Variants in CASR observed in about 807,000 individuals in gnomAD.
The protein encoded by CASR is calcium sensing receptor, also known as extracellular calcium-sensing receptor.
Under a neutral mutation model 69.1 loss-of-function variants are expected in CASR, and 23 were observed. The ratio of observed to expected loss-of-function variants is 0.33; its 90% CI spans 0.24 to 0.47. The LOEUF is 0.47. CASR is among the 20% of genes least tolerant of loss of function. CASR has a pLI of 1.00. For missense variants in CASR, 924 were observed against 1,356.1 expected, an observed-to-expected ratio of 0.68 and a Z score of 5.00; for synonymous variants, 541 against 544.7, an observed-to-expected ratio of 0.99 and a Z score of 0.10.
intron 1 of CASR, among the ~76,000 whole-genome samples, chr3:122,223,586 CA>C (rs2074194082): frequency 6.6e-6 from 1 of 152,122 alleles, no homozygotes; most frequent in South Asian, 2.1e-4. Flanking sequence ...AGCCCAGAGC[CA>C]GATGGATTCA....
At chr3:122,215,060 G>A (rs1032231548) in intron 1 of CASR, among the ~76,000 whole-genome samples, 4 of 151,296 alleles carry the variant, frequency 2.6e-5, no homozygotes, top group South Asian at 2.1e-4. Flanking sequence ...CTGCCATCTC[G>A]AACATAACTG....
chr3:122,259,454 T>A (rs550113098), intron 3 of CASR, among the ~76,000 whole-genome samples: 1 of 152,252 alleles, frequency 6.6e-6, no homozygotes, highest in South Asian at 2.1e-4. Context: ...GAATACCTTA[T>A]TCTGATAAGG....
At chr3:122,257,008 C>A in intron 2 of CASR, 73 bp from the exon 3 acceptor site, 1 of 1,289,314 alleles carries the variant, frequency 7.8e-7, no homozygotes, top group Non-Finnish European at 1.1e-6. Context: ...TCAAACCCAG[C>A]TTTGCCAGGT....
intron 1 of CASR, among the ~76,000 whole-genome samples, chr3:122,212,766 C>T (rs573373804): frequency 2.0e-5 from 3 of 151,970 alleles, no homozygotes; most frequent in East Asian, 3.9e-4. Context: ...CTCAGCTTCC[C>T]GAGTAGCTGG....
chr3:122,220,247 C>T (rs1422980651), intron 1 of CASR, among the ~76,000 whole-genome samples: 2 of 152,246 alleles, frequency 1.3e-5, no homozygotes, highest in Admixed American at 1.3e-4. Context: ...CTTCCTGAAA[C>T]TTGTTTGTGT....
chr3:122,241,397 A>G (rs1193691291), intron 1 of CASR, among the ~76,000 whole-genome samples: 1 of 152,162 alleles, frequency 6.6e-6, no homozygotes, highest in Non-Finnish European at 1.5e-5. Context: ...GGCTACTGTG[A>G]GCAAATATAT....
chr3:122,257,430 A>T, intron 3 of CASR, 43 bp downstream of exon 3: 1 of 1,505,366 alleles, frequency 6.6e-7, no homozygotes, highest in Non-Finnish European at 9.2e-7. Context: ...GCAGGATCAG[A>T]AGAAGCAGGC....
At chr3:122,252,392 A>T (rs1362372360) in intron 1 of CASR, among the ~76,000 whole-genome samples, 1 of 78,684 alleles carries the variant, frequency 1.3e-5, no homozygotes, top group African/African-American at 5.6e-5. Context: ...GGAAGGAAGG[A>T]AGGAAGGAAG....
intron 2 of CASR, among the ~76,000 whole-genome samples, chr3:122,255,766 A>G (rs935869981): frequency 1.3e-5 from 2 of 152,268 alleles, no homozygotes; most frequent in East Asian, 3.8e-4. Context: ...AGGAAACTTA[A>G]AGAAAATGGT....
chr3:122,219,709 A>G (rs1268839906), intron 1 of CASR, among the ~76,000 whole-genome samples: 1 of 152,220 alleles, frequency 6.6e-6, no homozygotes, highest in African/African-American at 2.4e-5. Flanking sequence ...GGATGGAGAT[A>G]TGCCACCTAT....
rs950436852 is a variant in CASR, at chr3:122,287,160, G to T, written c.*1969G>T. On this transcript the variant is annotated 3_prime_UTR_variant, in exon 7 of 7. Coordinates refer to ENST00000639785, the MANE Select transcript of CASR (RefSeq NM_000388.4). ...TAAAAGAAATGCTGAAAATGTGATG[G>T]TTTCAAAATAACTATGAGGGAACAG... 2 of 152,192 alleles carry T rather than the reference G, an allele frequency of 1.3e-5. No homozygotes were observed. The highest frequency in any genetic ancestry group is 3.8e-4 in the East Asian group (2 of 5,204). The allele number at this position is 152,192 out of a possible 1,614,324, so 9.4% of individuals were successfully genotyped here.
intron 1 of CASR, among the ~76,000 whole-genome samples, chr3:122,192,892 A>G (rs1185352343): frequency 6.6e-6 from 1 of 152,216 alleles, no homozygotes; most frequent in Non-Finnish European, 1.5e-5. Flanking sequence ...CAGCTTATAC[A>G]GATTTCATGG....
At chr3:122,193,806 A>G (rs1162609169) in intron 1 of CASR, among the ~76,000 whole-genome samples, 3 of 152,222 alleles carry the variant, frequency 2.0e-5, no homozygotes, top group Non-Finnish European at 4.4e-5. Context: ...TATCTGCCAA[A>G]TCTAGTCACA....
intron 1 of CASR, among the ~76,000 whole-genome samples, chr3:122,200,622 T>C (rs972825649): frequency 6.6e-6 from 1 of 152,186 alleles, no homozygotes; most frequent in African/African-American, 2.4e-5. Context: ...GTGCCAAAAT[T>C]TATTTATCTG....
At chr3:122,280,804 G>C (rs3804595) in intron 5 of CASR, among the ~76,000 whole-genome samples, 27,538 of 152,106 alleles carry the variant, frequency 0.18, 2,907 homozygotes, top group African/African-American at 0.27. Flanking sequence ...TAGGTAGAGG[G>C]GAGACCCATT....
intron 1 of CASR, among the ~76,000 whole-genome samples, chr3:122,201,867 C>G (rs1010756735): frequency 6.6e-6 from 1 of 150,994 alleles, no homozygotes; most frequent in Admixed American, 6.6e-5. Flanking sequence ...GGATGGCGGC[C>G]GGGAAGAGGC....
chr3:122,217,892 A>G (rs1325724119), intron 1 of CASR, among the ~76,000 whole-genome samples: 1 of 152,150 alleles, frequency 6.6e-6, no homozygotes, highest in Non-Finnish European at 1.5e-5. Flanking sequence ...TCTATACGTT[A>G]GAAAGATATT....
chr3:122,282,199 T>C lies in CASR; in HGVS notation c.1695T>C (p.Cys565=). 1 of 1,614,098 alleles carries C rather than the reference T, an allele frequency of 6.2e-7. No homozygotes were observed. The highest frequency in any genetic ancestry group is 8.5e-7 in the Non-Finnish European group (1 of 1,179,996). The change falls in exon 6 of 7, where the codon TGT becomes TGC. Residue 565 remains cysteine (C), a synonymous_variant. Coordinates refer to ENST00000639785, the MANE Select transcript of CASR (RefSeq NM_000388.4). ...GGGAGCCCACCTGCTGCTTTGAGTG[T>C]GTGGAGTGTCCTGATGGGGAGTATA... ...IEGEPTCCFE[C]VECPDGEYSD...
At chr3:122,263,767 T>G (rs1288402203) in intron 4 of CASR, among the ~76,000 whole-genome samples, 1 of 152,148 alleles carries the variant, frequency 6.6e-6, no homozygotes, top group East Asian at 1.9e-4. Context: ...TACTCAGAGC[T>G]TCTTTCTTCA....
Sources: gnomAD v4.1 joint callset for allele counts (sites outside exome capture counted in the v4.1 genomes callset) on GRCh38, gnomAD v4.1.1 for gene constraint, MANE v1.5 for transcripts, NCBI Gene and HGNC (gene_info 2026-07-23, HGNC 2026-07-21) for gene names.